The following PTPRS variants were observed in gnomAD, a reference collection of about 807,000 sequenced individuals.
PTPRS encodes protein tyrosine phosphatase receptor type S.
A neutral mutation model predicts 215.3 loss-of-function variants in PTPRS; 63 were observed. The ratio of observed to expected loss-of-function variants is 0.29; its 90% CI spans 0.24 to 0.36. PTPRS has a LOEUF of 0.36. PTPRS is among the 10% of genes least tolerant of loss of function. The pLI, the probability that PTPRS is intolerant of heterozygous loss-of-function variation, is 1.00. For missense variants in PTPRS, 2,258 were observed against 2,825.8 expected, an observed-to-expected ratio of 0.80 and a Z score of 4.56; for synonymous variants, 1,404 against 1,191.4, an observed-to-expected ratio of 1.18 and a Z score of -3.68.
chr19:5,276,703 G>A (rs899598632), intron 2 of PTPRS, among the ~76,000 whole-genome samples: 1 of 151,826 alleles, frequency 6.6e-6, no homozygotes, highest in Admixed American at 6.6e-5. Context: ...ACCATGCCCA[G>A]CTAATTTTTT....
At position 5,208,359 on chromosome 19, in the gene PTPRS, C is replaced by T; in HGVS notation, c.5520G>A (p.Gln1840=). 2 of 1,612,586 alleles carry T rather than the reference C, an allele frequency of 1.2e-6. No homozygotes were observed. The highest frequency in any genetic ancestry group is 1.7e-6 in the Non-Finnish European group (2 of 1,179,168). ...DGQSRTVRQF[Q]FTDWPEQGVP... is the part of the protein sequence containing the mutation. ...CACCCTGTTCCGGCCAGTCTGTGAA[C>T]TGGAACTGCCGGACAGTCCGGGACT... The change falls in exon 36 of 38, where the codon CAG becomes CAA. Residue 1840 remains glutamine (Q), a synonymous_variant. Transcript: ENST00000262963.
chr19:5,305,939 C>CAAAAA (rs35165317), intron 1 of PTPRS, among the ~76,000 whole-genome samples: 1,538 of 22,644 alleles, frequency 0.068, 455 homozygotes, highest in African/African-American at 0.15. Context: ...GACTCCGTCT[C>CAAAAA]AAAAAAAAAA....
Position 5,210,530 on chromosome 19 carries a change from G to A in PTPRS, c.5426C>T (p.Pro1809Leu), listed in dbSNP as rs1440460687. 1.1e-5 allele frequency: 18 copies of A among 1,614,032 alleles called. No individual in the cohort carries two copies. Among genetic ancestry groups the A allele is most frequent in the African/African-American group, 2.7e-5 (2 of 74,924 alleles). Residue 1809 changes from proline to leucine, a missense_variant, in exon 35 of 38, where the codon CCG becomes CTG. Pro to Leu is a moderately conservative substitution (Grantham distance 98). Around this residue, in one of 6 missense-constraint regions of PTPRS, gnomAD observed 927 missense variants for 1,125.9 expected, o/e 0.82. Coordinates refer to ENST00000262963, the MANE Select transcript of PTPRS (RefSeq NM_002850.4). The surrounding 1 kb of genome is among the most constrained non-coding windows in gnomAD (Gnocchi z 4.5). Reference protein sequence around the residue: ...SARYQYFVVDPMAEYNMPQYI... With the variant: ...SARYQYFVVDLMAEYNMPQYI... ...CTGAGGCATGTTGTATTCTGCCATC[G>A]GATCTACCACAAAGTACTGGTAGCG...
At chr19:5,233,020 GCAC>G (rs903425671) in intron 13 of PTPRS, among the ~76,000 whole-genome samples, 25 of 151,780 alleles carry the variant, frequency 1.6e-4, no homozygotes, top group African/African-American at 6.0e-4. Flanking sequence ...TATATGCCAG[GCAC>G]CACGCCAAGG....
chr19:5,230,189 G>T (rs2042900184), intron 14 of PTPRS, among the ~76,000 whole-genome samples: 1 of 152,206 alleles, frequency 6.6e-6, no homozygotes, highest in Non-Finnish European at 1.5e-5. Context: ...CCAGGGTTTG[G>T]CATAAAGAAG....
Position 5,229,474 on chromosome 19 carries a change from C to A in PTPRS, c.2349+17G>T. 1 of 1,407,306 alleles carries A rather than the reference C, an allele frequency of 7.1e-7. No homozygotes were observed. The highest frequency in any genetic ancestry group is 9.2e-7 in the Non-Finnish European group (1 of 1,085,118). The allele number at this position is 1,407,306 out of a possible 1,614,324, so 87.2% of individuals were successfully genotyped here. ...GCCCGGAGCCCGTCCCCGGCCCCGC[C>A]CCGGCCCCCCGCCCACCTGGGCATC... On this transcript the variant is annotated intron_variant, in intron 15 of 37. Transcript: ENST00000262963.
chr19:5,248,330 AAAAC>A (rs766656319), intron 9 of PTPRS, among the ~76,000 whole-genome samples: 38 of 152,308 alleles, frequency 2.5e-4, no homozygotes, highest in East Asian at 3.9e-4. Context: ...GAGAATCTAA[AAAAC>A]AAACAAACGA....
intron 17 of PTPRS, among the ~76,000 whole-genome samples, chr19:5,224,305 T>G (rs1438518913): frequency 2.0e-5 from 3 of 151,916 alleles, no homozygotes; most frequent in Admixed American, 6.5e-5. Context: ...CATGCAAAGG[T>G]GTAGAGCCGG....
intron 4 of PTPRS, among the ~76,000 whole-genome samples, chr19:5,266,941 T>C (rs2046444986): frequency 6.6e-6 from 1 of 152,090 alleles, no homozygotes; most frequent in Non-Finnish European, 1.5e-5. Flanking sequence ...TCCCTTGCTC[T>C]AAATGCCCCC....
chr19:5,308,122 G>A (rs557667693), intron 1 of PTPRS, among the ~76,000 whole-genome samples: 12 of 152,130 alleles, frequency 7.9e-5, no homozygotes, highest in Non-Finnish European at 1.3e-4. Flanking sequence ...CCATGTGTAC[G>A]CATTCTCTGG....
intron 26 of PTPRS, among the ~76,000 whole-genome samples, chr19:5,215,983 T>C (rs1294477241): frequency 6.6e-6 from 1 of 152,032 alleles, no homozygotes; most frequent in Non-Finnish European, 1.5e-5. Flanking sequence ...GGCACAGAAA[T>C]TAAATTGCAG....
At chr19:5,209,726 C>T (rs1290027482) in intron 35 of PTPRS, among the ~76,000 whole-genome samples, 1 of 152,222 alleles carries the variant, frequency 6.6e-6, no homozygotes, top group Non-Finnish European at 1.5e-5. Context: ...CCACATTCCA[C>T]TGACATTCTC....
At chr19:5,230,164 T>C (rs1015088612) in intron 14 of PTPRS, among the ~76,000 whole-genome samples, 8 of 152,184 alleles carry the variant, frequency 5.3e-5, no homozygotes, top group Non-Finnish European at 1.2e-4. Flanking sequence ...GCACTCAGGA[T>C]CTTTTTCACC....
intron 4 of PTPRS, among the ~76,000 whole-genome samples, chr19:5,268,186 TA>T (rs1253329992): frequency 2.4e-4 from 28 of 117,222 alleles, no homozygotes; most frequent in Admixed American, 3.8e-4. Context: ...AATAAATAAA[TA>T]AATTAATTAA....
intron 1 of PTPRS, among the ~76,000 whole-genome samples, chr19:5,309,506 C>T (rs1320233548): frequency 6.6e-6 from 1 of 152,150 alleles, no homozygotes; most frequent in Non-Finnish European, 1.5e-5. Context: ...CACCTGAAAA[C>T]CCGCTATGGG....
In PTPRS at chr19:5,229,539, C is replaced by T; in HGVS notation, c.2301G>A (p.Glu767=). 6.8e-7 allele frequency: 1 copy of T among 1,465,186 alleles called. No homozygotes were observed. The highest frequency in any genetic ancestry group is 9.0e-7 in the Non-Finnish European group (1 of 1,110,676). 90.8% of individuals were successfully genotyped at this position (1,465,186 alleles called of 1,614,324 possible). Residue 767 remains glutamate, a synonymous_variant, in exon 15 of 38, where the codon GAG becomes GAA. Transcript: ENST00000262963. ...CCTTGATGCGCGGCGGCCCGCGGGC[C>T]TCGGCGCCCTCCATGCGCACGTAGT... is the stretch of plus-strand genomic sequence containing the variant. ...QVHYVRMEGA[E]ARGPPRIKDV... is the part of the protein sequence containing the mutation.
intron 5 of PTPRS, 137 bp from the exon 6 acceptor site, chr19:5,263,109 C>A: frequency 1.3e-6 from 1 of 755,208 alleles, no homozygotes; most frequent in South Asian, 1.7e-5. Flanking sequence ...AACAACATTT[C>A]TTATGATTCC....
At chr19:5,278,121 G>C in intron 2 of PTPRS, 1 of 510,080 alleles carries the variant, frequency 2.0e-6, no homozygotes, top group Non-Finnish European at 3.4e-6. Context: ...AGGCTGCGCA[G>C]TGAAGAAAAT....
chr19:5,292,304 C>G (rs2048887340), intron 1 of PTPRS, among the ~76,000 whole-genome samples: 1 of 152,208 alleles, frequency 6.6e-6, no homozygotes, highest in African/African-American at 2.4e-5. Context: ...CCACCCCAGG[C>G]AATGGAGACC....
Sources: gnomAD v4.1 joint callset for allele counts (sites outside exome capture counted in the v4.1 genomes callset) on GRCh38, gnomAD v4.1.1 for gene constraint, gnomAD v4.1.1 regional missense constraint, Gnocchi (gnomAD v3.1) non-coding constraint, MANE v1.5 for transcripts, NCBI Gene and HGNC (gene_info 2026-07-23, HGNC 2026-07-21) for gene names.